Variants in PIK3C2G observed in about 807,000 individuals in gnomAD.
The protein encoded by PIK3C2G is phosphatidylinositol-4-phosphate 3-kinase catalytic subunit type 2 gamma, also known as phosphatidylinositol 3-kinase C2 domain-containing subunit gamma.
Under a neutral mutation model 181.1 loss-of-function variants are expected in PIK3C2G, and 168 were observed. The observed-to-expected ratio is 0.93, with a 90% confidence interval of 0.82 to 1.05. The LOEUF is 1.05. Among genes scored for constraint, PIK3C2G ranks in the 50% least tolerant of loss-of-function variants. The probability of loss-of-function intolerance (pLI) is 0.00; values close to 1 mark genes in which losing one functional copy is unlikely to be tolerated. For missense variants in PIK3C2G, 1,869 were observed against 1,732.8 expected, an observed-to-expected ratio of 1.08 and a Z score of -1.40; for synonymous variants, 573 against 592.2, an observed-to-expected ratio of 0.97 and a Z score of 0.47.
upstream of PIK3C2G, among the ~76,000 whole-genome samples, chr12:18,259,395 A>G (rs992986287): frequency 6.6e-6 from 1 of 152,118 alleles, no homozygotes; most frequent in African/African-American, 2.4e-5. Flanking sequence ...CAACTCTGCT[A>G]AGTTCTACCT....
the PIK3C2G span, among the ~76,000 whole-genome samples, chr12:18,707,724 A>T: frequency 6.6e-6 from 1 of 152,074 alleles, no homozygotes; most frequent in African/African-American, 2.4e-5. Flanking sequence ...TCTTTTTCCA[A>T]ATAGTGACTA....
At chr12:18,418,984 A>G (rs1318246873) in intron 16 of PIK3C2G, among the ~76,000 whole-genome samples, 1 of 152,178 alleles carries the variant, frequency 6.6e-6, no homozygotes, top group African/African-American at 2.4e-5. Context: ...TTAACATTTT[A>G]AGTCTATGTA....
the PIK3C2G span, among the ~76,000 whole-genome samples, chr12:18,677,436 A>G: frequency 2.0e-5 from 3 of 152,066 alleles, no homozygotes; most frequent in African/African-American, 7.2e-5. Flanking sequence ...ATGCATCTGA[A>G]TCACATAGAG....
intron 1 of PIK3C2G, among the ~76,000 whole-genome samples, chr12:18,250,790 GA>G (rs1948088314): frequency 6.6e-6 from 1 of 151,964 alleles, no homozygotes; most frequent in Non-Finnish European, 1.5e-5. Context: ...AGGCTTACAT[GA>G]GAAATACCAA....
chr12:18,521,655 G>C (rs1324188035), intron 24 of PIK3C2G, among the ~76,000 whole-genome samples: 4 of 152,222 alleles, frequency 2.6e-5, no homozygotes, highest in Non-Finnish European at 5.9e-5. Context: ...TGGAGCTATA[G>C]AGATGGCTGC....
At chr12:18,626,102 T>G (rs1949085334) in intron 31 of PIK3C2G, among the ~76,000 whole-genome samples, 1 of 151,692 alleles carries the variant, frequency 6.6e-6, no homozygotes, top group Middle Eastern at 3.2e-3. Flanking sequence ...ACTTGGTTTT[T>G]TTCTTCCTCT....
intron 24 of PIK3C2G, among the ~76,000 whole-genome samples, chr12:18,516,888 AC>A (rs1288198386): frequency 6.6e-6 from 1 of 151,890 alleles, no homozygotes; most frequent in Non-Finnish European, 1.5e-5. Flanking sequence ...TATTTTTTAA[AC>A]ATTTTCTTTG....
chr12:18,259,498 G>A (rs1200620288), upstream of PIK3C2G, among the ~76,000 whole-genome samples: 1 of 151,990 alleles, frequency 6.6e-6, no homozygotes, highest in Non-Finnish European at 1.5e-5. Context: ...ATCTTGCAGT[G>A]TGTGTTCTGA....
intron 11 of PIK3C2G, among the ~76,000 whole-genome samples, chr12:18,359,640 G>C (rs371809217): frequency 1.3e-5 from 2 of 152,070 alleles, no homozygotes; most frequent in Admixed American, 6.6e-5. Flanking sequence ...CTGACGTTGG[G>C]TACAGATATA....
chr12:18,520,532 C>T (rs980582175), intron 24 of PIK3C2G, among the ~76,000 whole-genome samples: 6 of 152,054 alleles, frequency 3.9e-5, no homozygotes, highest in Admixed American at 2.0e-4. Flanking sequence ...TTATGCTTCA[C>T]GAAGTTCTTG....
chr12:18,503,923 G>T (rs1371463555), intron 23 of PIK3C2G, among the ~76,000 whole-genome samples: 1 of 152,180 alleles, frequency 6.6e-6, no homozygotes, highest in Non-Finnish European at 1.5e-5. Context: ...CTGGCTTGCA[G>T]TGTACAGTTG....
chr12:18,375,140 A>G (rs1942345007), intron 13 of PIK3C2G, among the ~76,000 whole-genome samples: 1 of 152,166 alleles, frequency 6.6e-6, no homozygotes, highest in Non-Finnish European at 1.5e-5. Flanking sequence ...GAAAGTTTGG[A>G]GCACTCAGAA....
At chr12:18,691,027 C>G in the PIK3C2G span, among the ~76,000 whole-genome samples, 1 of 152,090 alleles carries the variant, frequency 6.6e-6, no homozygotes, top group Non-Finnish European at 1.5e-5. Flanking sequence ...GACAGGCTAC[C>G]TGAAACCATC....
At chr12:18,624,829 C>T (rs1281737392) in intron 31 of PIK3C2G, among the ~76,000 whole-genome samples, 1 of 151,572 alleles carries the variant, frequency 6.6e-6, no homozygotes, top group East Asian at 1.9e-4. Flanking sequence ...TGGCATACAA[C>T]TCTCTGTAAT....
chr12:18,298,603 A>G (rs953542252), intron 5 of PIK3C2G, among the ~76,000 whole-genome samples: 4 of 151,674 alleles, frequency 2.6e-5, no homozygotes, highest in African/African-American at 9.7e-5. Flanking sequence ...TTGAGGTATT[A>G]GCCATAAAAA....
chr12:18,589,753 T>C (rs1026400340), intron 29 of PIK3C2G, among the ~76,000 whole-genome samples: 2 of 152,012 alleles, frequency 1.3e-5, no homozygotes. Flanking sequence ...ATAAGGAATT[T>C]TGCCCATGGC....
intron 1 of PIK3C2G, among the ~76,000 whole-genome samples, chr12:18,272,851 G>A (rs138478393): frequency 1.3e-5 from 2 of 152,214 alleles, no homozygotes; most frequent in Non-Finnish European, 2.9e-5. Context: ...AAATCAACTG[G>A]TCCACCAAGC....
chr12:18,420,281 G>C (rs1245135074), intron 16 of PIK3C2G, among the ~76,000 whole-genome samples: 1 of 151,994 alleles, frequency 6.6e-6, no homozygotes, highest in Non-Finnish European at 1.5e-5. Flanking sequence ...TCCATTTCAG[G>C]ATAAATTGTC....
intron 29 of PIK3C2G, 151 bp from the exon 30 acceptor site, chr12:18,594,343 A>C (rs956925598): frequency 1.3e-5 from 7 of 520,360 alleles, no homozygotes; most frequent in Non-Finnish European, 2.3e-5. Context: ...GCACTGACTT[A>C]ATTAACCTTT....
Sources: gnomAD v4.1 joint callset for allele counts (sites outside exome capture counted in the v4.1 genomes callset) on GRCh38, gnomAD v4.1.1 for gene constraint, MANE v1.5 for transcripts, NCBI Gene and HGNC (gene_info 2026-07-23, HGNC 2026-07-21) for gene names.